Variants in SCN1A observed in about 807,000 individuals in gnomAD.
SCN1A encodes sodium voltage-gated channel alpha subunit 1, also known as sodium channel protein type 1 subunit alpha.
A neutral mutation model predicts 193.7 loss-of-function variants in SCN1A; 13 were observed. That is an observed-to-expected ratio of 0.07 (90% CI 0.04 to 0.11). The LOEUF (loss-of-function observed/expected upper bound fraction) is 0.11. Among genes scored for constraint, SCN1A ranks in the 10% least tolerant of loss-of-function variants. SCN1A has a pLI of 1.00. For synonymous variants in SCN1A, 781 were observed against 843.6 expected, an observed-to-expected ratio of 0.93 and a Z score of 1.29; for missense variants, 1,432 against 2,451.1, an observed-to-expected ratio of 0.58 and a Z score of 8.78.
In SCN1A at chr2:166,069,163, A is replaced by G. The variant is rs141662215; in HGVS notation, c.264+4195T>C. ...ACAAACAAAGGGAAACCAATCTGGAATCATGTTCTAAAGACCACTGAGTCA... is the reference window on the plus strand; with the variant it reads ...ACAAACAAAGGGAAACCAATCTGGAGTCATGTTCTAAAGACCACTGAGTCA... On this transcript the variant is annotated intron_variant, in intron 4 of 28. Coordinates refer to ENST00000674923, the MANE Select transcript of SCN1A (RefSeq NM_001165963.4). Among the ~76,000 whole-genome samples, 355 of 152,320 alleles carry G rather than the reference A, an allele frequency of 2.3e-3. 1 individual carries two copies. The highest frequency in any genetic ancestry group is 7.4e-3 in the African/African-American group (308 of 41,588).
chr2:166,018,623 A>G (rs1186190431), intron 19 of SCN1A, among the ~76,000 whole-genome samples: 1 of 152,078 alleles, frequency 6.6e-6, no homozygotes, highest in Non-Finnish European at 1.5e-5. Flanking sequence ...TTCACAAAAA[A>G]ACCTGAGTTT....
chr2:166,144,412 G>C (rs979474062), intron 1 of SCN1A, among the ~76,000 whole-genome samples: 10 of 152,162 alleles, frequency 6.6e-5, no homozygotes, highest in South Asian at 2.1e-4. Flanking sequence ...TCTTAAGGGG[G>C]TAATAATCCT....
At chr2:165,995,261 G>A (rs532913762) in intron 27 of SCN1A, among the ~76,000 whole-genome samples, 1 of 151,666 alleles carries the variant, frequency 6.6e-6, no homozygotes, top group South Asian at 2.1e-4. Context: ...TCTCAGGAAG[G>A]CAATATTCAA....
intron 1 of SCN1A, among the ~76,000 whole-genome samples, chr2:166,148,053 T>G (rs1692393641): frequency 6.6e-6 from 1 of 152,140 alleles, no homozygotes; most frequent in Admixed American, 6.5e-5. Context: ...ACGTAGACAG[T>G]TTATGCAGAC....
At chr2:166,072,615 T>C (rs1326559387) in intron 4 of SCN1A, among the ~76,000 whole-genome samples, 1 of 152,176 alleles carries the variant, frequency 6.6e-6, no homozygotes, top group Non-Finnish European at 1.5e-5. Context: ...TGCAAACCCT[T>C]GTGGCATCAA....
rs1467239671 is a variant in SCN1A at position 166,056,519 on chromosome 2, A to G, written c.384-19T>C. 11 of 1,516,864 alleles carry G rather than the reference A, an allele frequency of 7.3e-6. No individual in the cohort carries two copies. The highest frequency in any genetic ancestry group is 9.2e-6 in the Non-Finnish European group (10 of 1,092,134). 94.0% of individuals were successfully genotyped at this position (1,516,864 alleles called of 1,614,324 possible). A position where few individuals can be genotyped will look rare whatever the true frequency, so the allele number is the denominator to read the frequency against. On this transcript the variant is annotated intron_variant, in intron 5 of 28. Transcript: ENST00000674923. Reference sequence around the variant, plus strand: ...GAATAATGTAGGTTATTGTTAAGGAACACACAAAAGAAAATCAAAATCCAA... The same window carrying G: ...GAATAATGTAGGTTATTGTTAAGGAGCACACAAAAGAAAATCAAAATCCAA...
rs748090629 is a variant in SCN1A, at chr2:165,991,641, C to A, written c.5634G>T (p.Glu1878Asp). 2.6e-5 allele frequency: 42 copies of A among 1,613,836 alleles called. No individual in the cohort carries two copies. Among genetic ancestry groups the A allele is most frequent in the Non-Finnish European group, 1.9e-5 (22 of 1,179,926 alleles). Reference sequence around the variant, plus strand: ...TTCGTAGAGCATCCATCTCTCCACTCTCTCCTAGAACCCGCTTTGTAAAAG... The same window carrying A: ...TTCGTAGAGCATCCATCTCTCCACTATCTCCTAGAACCCGCTTTGTAAAAG... ...LFAFTKRVLG[E>D]SGEMDALRIQ... The change falls in exon 29 of 29, where the codon GAG (glutamate) becomes GAT (aspartate). Residue 1878 changes from glutamate to aspartate, a missense_variant. By Grantham distance (45) the Glu-to-Asp change is conservative (BLOSUM62 2). This residue lies in a region of SCN1A where 148 missense variants were observed against 160.3 expected (regional missense o/e 0.92). Transcript: ENST00000674923.
intron 19 of SCN1A, among the ~76,000 whole-genome samples, chr2:166,023,938 G>T (rs1240606770): frequency 6.6e-6 from 1 of 151,864 alleles, no homozygotes; most frequent in Non-Finnish European, 1.5e-5. Flanking sequence ...ACCATGCCTG[G>T]CTAATTATTT....
At chr2:166,071,155 T>G (rs1036868919) in intron 4 of SCN1A, among the ~76,000 whole-genome samples, 3 of 152,238 alleles carry the variant, frequency 2.0e-5, no homozygotes, top group African/African-American at 7.2e-5. Context: ...TTCACTTCAA[T>G]ACCGAAGTCA....
At chr2:166,103,987 C>T (rs1315460799) in intron 2 of SCN1A, among the ~76,000 whole-genome samples, 1 of 152,122 alleles carries the variant, frequency 6.6e-6, no homozygotes, top group Admixed American at 6.6e-5. Flanking sequence ...ATATCAATTT[C>T]CTGGAAATGT....
intron 21 of SCN1A, among the ~76,000 whole-genome samples, chr2:166,012,766 TA>T (rs1415471063): frequency 3.3e-4 from 49 of 150,446 alleles, no homozygotes; most frequent in African/African-American, 1.1e-3. Flanking sequence ...TGTTGTTTGT[TA>T]TTTTTTTAAT....
At chr2:166,027,480 TAGG>T in intron 19 of SCN1A, among the ~76,000 whole-genome samples, 1 of 152,068 alleles carries the variant, frequency 6.6e-6, no homozygotes, top group Middle Eastern at 3.4e-3. Flanking sequence ...TAGAGTTTAG[TAGG>T]AGTTCAAATT....
At chr2:166,033,537 T>C (rs952836674) in intron 19 of SCN1A, among the ~76,000 whole-genome samples, 14 of 151,790 alleles carry the variant, frequency 9.2e-5, no homozygotes, top group African/African-American at 3.1e-4. Flanking sequence ...ATTAAAGGGA[T>C]TTCTCAAGTC....
At chr2:166,062,943 T>C (rs958277508) in intron 4 of SCN1A, among the ~76,000 whole-genome samples, 25 of 152,112 alleles carry the variant, frequency 1.6e-4, no homozygotes, top group African/African-American at 5.3e-4. Flanking sequence ...CAGTTCAAAG[T>C]TGGTGGTGGA....
At chr2:166,008,290 A>G (rs2105555850) in intron 23 of SCN1A, among the ~76,000 whole-genome samples, 1 of 151,390 alleles carries the variant, frequency 6.6e-6, no homozygotes, top group East Asian at 1.9e-4. Context: ...TGAATTTAAT[A>G]AACTTTCAAA....
At chr2:166,086,173 C>G (rs1486065916) in intron 2 of SCN1A, among the ~76,000 whole-genome samples, 3 of 152,062 alleles carry the variant, frequency 2.0e-5, no homozygotes, top group Non-Finnish European at 4.4e-5. Flanking sequence ...TATAACCCCT[C>G]CCTCACTAAC....
intron 19 of SCN1A, among the ~76,000 whole-genome samples, chr2:166,033,842 T>G (rs1417898997): frequency 6.9e-6 from 1 of 145,654 alleles, no homozygotes. Flanking sequence ...TTTTTCCTTT[T>G]TAATATAACA....
At chr2:166,106,686 C>T (rs1190612361) in intron 2 of SCN1A, among the ~76,000 whole-genome samples, 1 of 152,160 alleles carries the variant, frequency 6.6e-6, no homozygotes, top group African/African-American at 2.4e-5. Context: ...ACTGCCCCAT[C>T]TGGGCATGTG....
chr2:166,139,396 C>A (rs1038769518), intron 1 of SCN1A, among the ~76,000 whole-genome samples: 1 of 152,050 alleles, frequency 6.6e-6, no homozygotes, highest in African/African-American at 2.4e-5. Flanking sequence ...TGGGTTTTTC[C>A]TGTGCTGTTC....
Sources: gnomAD v4.1 joint callset for allele counts (sites outside exome capture counted in the v4.1 genomes callset) on GRCh38, gnomAD v4.1.1 for gene constraint, gnomAD v4.1.1 regional missense constraint, MANE v1.5 for transcripts, NCBI Gene and HGNC (gene_info 2026-07-23, HGNC 2026-07-21) for gene names.